Variants in MOB3B observed in about 807,000 individuals in gnomAD.
The protein encoded by MOB3B is MOB kinase activator 3B, also known as MOB kinase activator-like 2B.
Under a neutral mutation model 18.7 loss-of-function variants are expected in MOB3B, and 7 were observed. That is an observed-to-expected ratio of 0.37 (90% CI 0.21 to 0.70). MOB3B has a LOEUF of 0.70. Ranked by LOEUF, MOB3B falls within the 30% of genes least tolerant of loss-of-function variation. The probability of loss-of-function intolerance (pLI) is 0.52; values close to 1 mark genes in which losing one functional copy is unlikely to be tolerated. For missense variants in MOB3B, 253 were observed against 281.3 expected (o/e 0.90, Z 0.72); for synonymous variants, 111 against 99.9 (o/e 1.11, Z -0.66).
At chr9:27,513,527 T>C (rs1380708830) in intron 1 of MOB3B, among the ~76,000 whole-genome samples, 1 of 152,168 alleles carries the variant, frequency 6.6e-6, no homozygotes, top group Non-Finnish European at 1.5e-5. Flanking sequence ...TCCCAACCTA[T>C]CCTAGTACCA....
intron 2 of MOB3B, among the ~76,000 whole-genome samples, chr9:27,389,361 T>A (rs1821693859): frequency 6.8e-6 from 1 of 146,178 alleles, no homozygotes; most frequent in South Asian, 2.5e-4. Flanking sequence ...ACCCCACCGT[T>A]TCATTCCACT....
chr9:27,522,242 C>CAAAAAAAAA lies in MOB3B; in HGVS notation c.-199+7304_-199+7312dup, dbSNP rs1171362204. ...GGAGACAGAGCAAGACCCCGTCTCA[C>CAAAAAAAAA]AAAAAAAAAAAAAAAAAAAAAAAAG... On this transcript the variant is annotated intron_variant, in intron 1 of 3. Transcript: ENST00000262244. Among the ~76,000 whole-genome samples the CAAAAAAAAA allele has an allele frequency of 2.2e-3, 121 of 56,042 alleles. 1 individual carries two copies. The highest frequency in any genetic ancestry group is 2.3e-3 in the Non-Finnish European group (79 of 33,928). 36.8% of individuals were successfully genotyped at this position (56,042 alleles called of 152,430 possible).
At chr9:27,439,844 T>C (rs148284048) in intron 2 of MOB3B, among the ~76,000 whole-genome samples, 2 of 152,276 alleles carry the variant, frequency 1.3e-5, no homozygotes, top group African/African-American at 4.8e-5. Flanking sequence ...CTTTATAAGC[T>C]GTGACCTGTG....
chr9:27,496,683 T>A (rs1247921940), intron 1 of MOB3B, among the ~76,000 whole-genome samples: 1 of 152,212 alleles, frequency 6.6e-6, no homozygotes. Flanking sequence ...TTTAATCAAG[T>A]CAGCCTAAGC....
At chr9:27,518,922 C>T (rs148762109) in intron 1 of MOB3B, among the ~76,000 whole-genome samples, 20 of 152,276 alleles carry the variant, frequency 1.3e-4, no homozygotes. Flanking sequence ...AAGAAAGACA[C>T]ATTTTTCTTC....
chr9:27,328,866 CAA>C lies in MOB3B; in HGVS notation c.*1719_*1720del, dbSNP rs1189126010. 1.3e-5 allele frequency: 2 copies of C among 152,552 alleles called. No homozygotes were observed. The highest frequency in any genetic ancestry group is 3.9e-4 in the East Asian group (2 of 5,188). 9.4% of individuals were successfully genotyped at this position (152,552 alleles called of 1,614,324 possible). Reference sequence around the variant, plus strand: ...AAAAACTTTGCCTATCTTGTCCTCTCAAAGTTACTTAGGAAGGGGGACAAAAG... The same window carrying C: ...AAAAACTTTGCCTATCTTGTCCTCTCAGTTACTTAGGAAGGGGGACAAAAG... On this transcript the variant is annotated 3_prime_UTR_variant, in exon 4 of 4. Coordinates refer to ENST00000262244, the MANE Select transcript of MOB3B (RefSeq NM_024761.5).
chr9:27,516,453 ATTC>A (rs1265864953), intron 1 of MOB3B, among the ~76,000 whole-genome samples: 2 of 152,190 alleles, frequency 1.3e-5, no homozygotes, highest in African/African-American at 4.8e-5. Context: ...CAATGAATTA[ATTC>A]TTCTTTCTGA....
rs890802771 is a variant in MOB3B at position 27,330,287 on chromosome 9, T to A, written c.*300A>T. The stretch of plus-strand genomic sequence containing the variant: ...TTAGGCGGCAGGTCACAGGCAGAAC[T>A]GTGCCATGTGTGGAAGTGCAGAGGC... On this transcript the variant is annotated 3_prime_UTR_variant, in exon 4 of 4. Coordinates refer to ENST00000262244, the MANE Select transcript of MOB3B (RefSeq NM_024761.5). 5 of 300,684 alleles carry A rather than the reference T, an allele frequency of 1.7e-5. No individual in the cohort carries two copies. Among genetic ancestry groups the A allele is most frequent in the Non-Finnish European group, 3.1e-5 (5 of 162,916 alleles). The allele number at this position is 300,684 out of a possible 1,614,324, so 18.6% of individuals were successfully genotyped here. A position where few individuals can be genotyped will look rare whatever the true frequency, so the allele number is the denominator to read the frequency against.
At chr9:27,368,537 C>T (rs918152890) in intron 2 of MOB3B, among the ~76,000 whole-genome samples, 4 of 152,158 alleles carry the variant, frequency 2.6e-5, no homozygotes, top group Non-Finnish European at 5.9e-5. Flanking sequence ...GAAAACAATC[C>T]TGTGTAGCAG....
At chr9:27,482,692 C>G (rs913370498) in intron 1 of MOB3B, among the ~76,000 whole-genome samples, 2 of 152,206 alleles carry the variant, frequency 1.3e-5, no homozygotes, top group Non-Finnish European at 2.9e-5. Flanking sequence ...TACTTCCCAC[C>G]AAACCCTTTC....
chr9:27,455,143 T>C lies in MOB3B; in HGVS notation c.408A>G (p.Pro136=). 1 of 1,614,178 alleles carries C rather than the reference T, an allele frequency of 6.2e-7. No homozygotes were observed. Among genetic ancestry groups the C allele is most frequent in the Non-Finnish European group, 8.5e-7 (1 of 1,180,008 alleles). Residue 136 remains proline (P), a synonymous_variant, in exon 2 of 4, where the codon CCA becomes CCG. Coordinates refer to ENST00000262244, the MANE Select transcript of MOB3B (RefSeq NM_024761.5). ...EVQINNEEIF[P]TCVGVPFPKN... is the part of the protein sequence containing the mutation. ...TGGTAATGAACTTACCCACGCATGT[T>C]GGAAATATTTCCTCGTTGTTGATCT... is the stretch of plus-strand genomic sequence containing the variant.
At chr9:27,339,352 A>T (rs1351745254) in intron 3 of MOB3B, among the ~76,000 whole-genome samples, 1 of 152,200 alleles carries the variant, frequency 6.6e-6, no homozygotes, top group Admixed American at 6.5e-5. Flanking sequence ...GCCACCCCAA[A>T]TTTATTTTGG....
intron 1 of MOB3B, among the ~76,000 whole-genome samples, chr9:27,486,221 T>G (rs1563880496): frequency 6.6e-6 from 1 of 152,162 alleles, no homozygotes. Context: ...GGATTCAGGG[T>G]GGCAGTATTA....
At chr9:27,410,907 A>G (rs1587191557) in intron 2 of MOB3B, among the ~76,000 whole-genome samples, 1 of 152,144 alleles carries the variant, frequency 6.6e-6, no homozygotes, top group African/African-American at 2.4e-5. Flanking sequence ...TTAACTTTAC[A>G]CTGCAAACAT....
chr9:27,416,132 G>T (rs1379474497), intron 2 of MOB3B, among the ~76,000 whole-genome samples: 1 of 152,062 alleles, frequency 6.6e-6, no homozygotes, highest in East Asian at 1.9e-4. Context: ...GCATATACAA[G>T]TATTATTGAA....
At chr9:27,335,877 C>A (rs1004653745) in intron 3 of MOB3B, among the ~76,000 whole-genome samples, 1 of 152,114 alleles carries the variant, frequency 6.6e-6, no homozygotes, top group Non-Finnish European at 1.5e-5. Context: ...GGTTTCAGCA[C>A]CAGGCTGCTC....
intron 1 of MOB3B, among the ~76,000 whole-genome samples, chr9:27,456,125 A>C (rs1261636164): frequency 1.3e-5 from 2 of 152,160 alleles, no homozygotes; most frequent in African/African-American, 4.8e-5. Flanking sequence ...TTAAGTAGGC[A>C]TGGGGACACT....
chr9:27,346,258 C>A (rs1452992632), intron 3 of MOB3B, among the ~76,000 whole-genome samples: 6 of 152,198 alleles, frequency 3.9e-5, no homozygotes, highest in Non-Finnish European at 7.3e-5. Flanking sequence ...GCCTCCAGAA[C>A]TGTGAGCAGT....
chr9:27,467,268 T>C (rs908102946), intron 1 of MOB3B, among the ~76,000 whole-genome samples: 5 of 152,242 alleles, frequency 3.3e-5, no homozygotes, highest in Non-Finnish European at 5.9e-5. Flanking sequence ...GTTACCCTTG[T>C]GGGCTAAATG....
Sources: gnomAD v4.1 joint callset for allele counts (sites outside exome capture counted in the v4.1 genomes callset) on GRCh38, gnomAD v4.1.1 for gene constraint, MANE v1.5 for transcripts, NCBI Gene and HGNC (gene_info 2026-07-23, HGNC 2026-07-21) for gene names.